MTFR1: variants seen among roughly 807,000 people sequenced by gnomAD.
MTFR1 encodes the protein mitochondrial fission regulator 1, also known as chondrocyte protein with a poly-proline region.
A neutral mutation model predicts 38.8 loss-of-function variants in MTFR1; 28 were observed. That is an observed-to-expected ratio of 0.72 (90% CI 0.53 to 0.99). MTFR1 has a LOEUF of 0.99. Ranked by LOEUF, MTFR1 falls within the 50% of genes least tolerant of loss-of-function variation. The pLI, the probability that MTFR1 is intolerant of heterozygous loss-of-function variation, is 0.00. For synonymous variants in MTFR1, 145 were observed against 137.0 expected (o/e 1.06, Z -0.41); for missense variants, 358 against 395.5 (o/e 0.91, Z 0.81).
rs991285079 is a variant in MTFR1 at position 65,723,691 on chromosome 8, G to C, written c.*48+4210G>C. 2.8e-6 allele frequency: 3 copies of C among 1,060,700 alleles called. No homozygotes were observed. The South Asian group carries it at 6.4e-5, about 23-fold the overall frequency. The allele number at this position is 1,060,700 out of a possible 1,614,324, so 65.7% of individuals were successfully genotyped here. A position where few individuals can be genotyped will look rare whatever the true frequency, so the allele number is the denominator to read the frequency against. On this transcript the variant is annotated intron_variant, in intron 3 of 3. Coordinates refer to the MTFR1 transcript ENST00000521247. ...TGGTTAAATATATAATTAAAGGCTT[G>C]AACATACCTGTGCATTTCTTAGGAA...
chr8:65,708,081 G>C (rs1341471842), intron 7 of MTFR1, 70 bp downstream of exon 7: 1 of 1,604,936 alleles, frequency 6.2e-7, no homozygotes, highest in African/African-American at 1.3e-5. Flanking sequence ...CTTGCATTTT[G>C]CAAGTGATTC....
At chr8:65,725,033 A>G in intron 3 of MTFR1, 1 of 519,648 alleles carries the variant, frequency 1.9e-6, no homozygotes, top group Admixed American at 4.0e-5. Flanking sequence ...AAAATATCCA[A>G]CTATCATTCA....
chr8:65,735,016 C>A lies in MTFR1; in HGVS notation c.*48+15535C>A, dbSNP rs531075439. On this transcript the variant is annotated intron_variant, in intron 3 of 3. Coordinates refer to the MTFR1 transcript ENST00000521247. ...ATGTAGCTATCGGCTAAAATCGTGC[C>A]GATTCGGGCAGATGATAATCACCTC... 2.4e-5 allele frequency: 16 copies of A among 656,314 alleles called. No individual in the cohort carries two copies. In the African/African-American group the frequency reaches 2.7e-4, roughly 11 times the overall value. The allele number at this position is 656,314 out of a possible 1,614,324, so 40.7% of individuals were successfully genotyped here.
chr8:65,716,860 C>T (rs1806161622), intron 2 of MTFR1, among the ~76,000 whole-genome samples: 1 of 152,104 alleles, frequency 6.6e-6, no homozygotes, highest in South Asian at 2.1e-4. Flanking sequence ...ACGAGAGTGA[C>T]CAGCTGACCA....
intron 3 of MTFR1, among the ~76,000 whole-genome samples, chr8:65,755,854 C>G (rs1029136802): frequency 6.6e-6 from 1 of 152,164 alleles, no homozygotes; most frequent in African/African-American, 2.4e-5. Flanking sequence ...AACTCCTGAG[C>G]TCAAGAGATC....
intron 4 of MTFR1, among the ~76,000 whole-genome samples, chr8:65,697,094 C>G (rs1403213963): frequency 6.6e-6 from 1 of 151,660 alleles, no homozygotes; most frequent in African/African-American, 2.4e-5. Context: ...AAGTGATTCC[C>G]CTGCCTCAGC....
chr8:65,714,055 A>G (rs1254095124), downstream of MTFR1, among the ~76,000 whole-genome samples: 3 of 151,002 alleles, frequency 2.0e-5, no homozygotes, highest in Non-Finnish European at 4.4e-5. Flanking sequence ...ACAAAACCCT[A>G]CATTCTCCTA....
chr8:65,739,415 A>G, intron 3 of MTFR1: 1 of 1,386,806 alleles, frequency 7.2e-7, no homozygotes. Flanking sequence ...ATAGAGCAAT[A>G]GCTAACCGAT....
At chr8:65,728,762 GCAGAAGAATAGA>G (rs1806713454) in intron 3 of MTFR1, among the ~76,000 whole-genome samples, 1 of 152,030 alleles carries the variant, frequency 6.6e-6, no homozygotes, top group Non-Finnish European at 1.5e-5. Context: ...ATTCTTATTG[GCAGAAGAATAGA>G]CATCCTGGGA....
At chr8:65,660,709 G>GT (rs1373349564) in intron 1 of MTFR1, among the ~76,000 whole-genome samples, 1 of 152,122 alleles carries the variant, frequency 6.6e-6, no homozygotes, top group Non-Finnish European at 1.5e-5. Context: ...TATTTTGTTG[G>GT]TTCTCTCTGG....
rs568356275 is a variant in MTFR1 at position 65,703,403 on chromosome 8, A to G, written c.282-1291A>G. 3.0e-3 allele frequency among the ~76,000 whole-genome samples: 358 copies of G among 118,674 alleles called. 1 individual carries two copies. The highest frequency in any genetic ancestry group is 0.011 in the African/African-American group (341 of 30,540). 77.9% of individuals were successfully genotyped at this position (118,674 alleles called of 152,430 possible). Reference sequence around the variant, plus strand: ...TTTATCTTCTGTTTTTGGTACATCCATGCTTGATGTCTCTGGTTTTTTTTT... The same window carrying G: ...TTTATCTTCTGTTTTTGGTACATCCGTGCTTGATGTCTCTGGTTTTTTTTT... On this transcript the variant is annotated intron_variant, in intron 4 of 7. Transcript: ENST00000262146.
chr8:65,708,031 T>A lies in MTFR1; in HGVS notation c.933+20T>A. The A allele has an allele frequency of 1.2e-6, 2 of 1,609,746 alleles. No individual in the cohort carries two copies. The highest frequency in any genetic ancestry group is 1.7e-6 in the Non-Finnish European group (2 of 1,179,902). On this transcript the variant is annotated intron_variant, in intron 7 of 7. Coordinates refer to ENST00000262146, the MANE Select transcript of MTFR1 (RefSeq NM_014637.4). ...GTGTTGGTGAGTTATTTGCCCAGAT[T>A]TCTTTCCTGTTATGTAGAAATCCAT... is the stretch of plus-strand genomic sequence containing the variant.
intron 3 of MTFR1, among the ~76,000 whole-genome samples, chr8:65,753,048 A>G (rs1808042288): frequency 6.6e-6 from 1 of 152,144 alleles, no homozygotes; most frequent in African/African-American, 2.4e-5. Context: ...TTTGTGCTTT[A>G]TGGTAAAGCT....
At chr8:65,717,887 T>C (rs1806205126) in intron 2 of MTFR1, 1 of 152,228 alleles carries the variant, frequency 6.6e-6, no homozygotes, top group African/African-American at 2.4e-5. Context: ...CACCGGTTTC[T>C]CTTAAAACTA....
chr8:65,728,216 C>T (rs1032209286), intron 3 of MTFR1: 1 of 152,088 alleles, frequency 6.6e-6, no homozygotes, highest in African/African-American at 2.4e-5. Context: ...TGAGCATACA[C>T]CACTTATATT....
At chr8:65,678,244 C>A (rs13281090) in intron 2 of MTFR1, among the ~76,000 whole-genome samples, 56,573 of 151,884 alleles carry the variant, frequency 0.37, 13,726 homozygotes, top group Non-Finnish European at 0.55. Flanking sequence ...ACCATCTGTT[C>A]ACTGTTTCTG....
intron 3 of MTFR1, among the ~76,000 whole-genome samples, chr8:65,740,036 T>C (rs1308898853): frequency 6.6e-6 from 1 of 152,058 alleles, no homozygotes; most frequent in Non-Finnish European, 1.5e-5. Flanking sequence ...CCTTGTTAGG[T>C]GGAGAATGTG....
chr8:65,766,377 T>C (rs916135817), intron 3 of MTFR1, among the ~76,000 whole-genome samples: 19 of 152,254 alleles, frequency 1.2e-4, no homozygotes, highest in African/African-American at 4.6e-4. Flanking sequence ...GTAGGAATAT[T>C]TGCGACTCTT....
At chr8:65,677,068 CTTT>C (rs1166560010) in intron 2 of MTFR1, among the ~76,000 whole-genome samples, 3 of 100,104 alleles carry the variant, frequency 3.0e-5, no homozygotes, top group Admixed American at 1.2e-4. Context: ...CTATTTCTCT[CTTT>C]TTTTTTTTTT....
Sources: gnomAD v4.1 joint callset for allele counts (sites outside exome capture counted in the v4.1 genomes callset) on GRCh38, gnomAD v4.1.1 for gene constraint, MANE v1.5 for transcripts, NCBI Gene and HGNC (gene_info 2026-07-23, HGNC 2026-07-21) for gene names.